PCDH11Y: variants seen among roughly 807,000 people sequenced by gnomAD.
The protein encoded by PCDH11Y is protocadherin-11 Y-linked.
For missense variants in PCDH11Y, 12 were observed against 224.8 expected (o/e 0.05, Z 6.05); for synonymous variants, 9 against 83.6 (o/e 0.11, Z 4.87).
intron 2 of PCDH11Y, among the ~76,000 whole-genome samples, chrY:5,466,700 G>A: frequency 3.1e-5 from 1 of 32,751 alleles, no homozygotes; most frequent in African/African-American, 1.2e-4. Flanking sequence ...AGCTGTAAAC[G>A]CCTTGATAAA....
intron 2 of PCDH11Y, among the ~76,000 whole-genome samples, chrY:5,397,071 G>A (rs2053228200): frequency 3.0e-5 from 1 of 33,297 alleles, no homozygotes; most frequent in South Asian, 6.6e-4. Flanking sequence ...TTGAATTTTT[G>A]TAGGGATTAT....
intron 3 of PCDH11Y, among the ~76,000 whole-genome samples, chrY:5,038,331 G>A: frequency 3.6e-5 from 1 of 27,572 alleles, no homozygotes; most frequent in Non-Finnish European, 8.6e-5. Context: ...TAGGATATTT[G>A]CCCTATACCC....
intron 2 of PCDH11Y, among the ~76,000 whole-genome samples, chrY:5,313,061 G>A (rs2053103510): frequency 3.2e-5 from 1 of 31,394 alleles, no homozygotes; most frequent in Non-Finnish European, 7.8e-5. Context: ...AAATCATTAG[G>A]AACTCATCTA....
intron 4 of PCDH11Y, among the ~76,000 whole-genome samples, chrY:5,635,252 C>T (rs2053517006): frequency 3.0e-5 from 1 of 33,064 alleles, no homozygotes; most frequent in Admixed American, 2.8e-4. Context: ...TTGATAATTC[C>T]ATCAAACTTG....
chrY:5,266,309 G>A, intron 2 of PCDH11Y, among the ~76,000 whole-genome samples: 1 of 32,945 alleles, frequency 3.0e-5, no homozygotes, highest in African/African-American at 1.2e-4. Context: ...GGCTGAGGTG[G>A]GCAGATCACG....
At chrY:5,244,559 G>C in intron 2 of PCDH11Y, among the ~76,000 whole-genome samples, 1 of 33,707 alleles carries the variant, frequency 3.0e-5, no homozygotes, top group Non-Finnish European at 7.4e-5. Flanking sequence ...AGCCAAGGGA[G>C]GCAGTGAGTG....
intron 2 of PCDH11Y, among the ~76,000 whole-genome samples, chrY:5,496,308 T>C (rs2124687408): frequency 3.0e-5 from 1 of 33,711 alleles, no homozygotes; most frequent in African/African-American, 1.2e-4. Flanking sequence ...CTTCAAACAA[T>C]GGCCTTTAGA....
intron 3 of PCDH11Y, among the ~76,000 whole-genome samples, chrY:5,515,873 G>T: frequency 5.9e-5 from 2 of 33,617 alleles, no homozygotes; most frequent in Non-Finnish European, 1.5e-4. Context: ...ATATGCAGAA[G>T]ATTGAAGCTG....
At chrY:5,397,247 T>G in intron 2 of PCDH11Y, among the ~76,000 whole-genome samples, 1 of 33,057 alleles carries the variant, frequency 3.0e-5, no homozygotes, top group Non-Finnish European at 7.4e-5. Context: ...CATTCATTCC[T>G]AAGTAAATAT....
At chrY:5,062,912 C>T in intron 1 of PCDH11Y, among the ~76,000 whole-genome samples, 1 of 33,109 alleles carries the variant, frequency 3.0e-5, no homozygotes, top group Non-Finnish European at 7.5e-5. Context: ...TTATTAGATA[C>T]AGATTTATTG....
At chrY:5,357,261 A>G in intron 2 of PCDH11Y, among the ~76,000 whole-genome samples, 1 of 24,803 alleles carries the variant, frequency 4.0e-5, no homozygotes, top group Non-Finnish European at 9.1e-5. Flanking sequence ...GTATATATAT[A>G]TATATATATA....
At chrY:5,620,309 G>A in intron 4 of PCDH11Y, among the ~76,000 whole-genome samples, 2 of 28,106 alleles carry the variant, frequency 7.1e-5, no homozygotes, top group African/African-American at 2.8e-4. Flanking sequence ...TAGAAGAAAT[G>A]GATAAATTTG....
intron 2 of PCDH11Y, among the ~76,000 whole-genome samples, chrY:5,339,958 G>T: frequency 3.1e-5 from 1 of 32,276 alleles, no homozygotes; most frequent in African/African-American, 1.2e-4. Flanking sequence ...TACTAGTCAG[G>T]GTTTTCTAGA....
intron 3 of PCDH11Y, among the ~76,000 whole-genome samples, chrY:5,555,508 T>C: frequency 3.0e-5 from 1 of 32,855 alleles, no homozygotes; most frequent in Admixed American, 2.8e-4. Context: ...AGTTTCCATG[T>C]GTTGTGAGGG....
At chrY:5,417,437 G>C in intron 2 of PCDH11Y, among the ~76,000 whole-genome samples, 1 of 32,229 alleles carries the variant, frequency 3.1e-5, no homozygotes, top group Admixed American at 2.9e-4. Flanking sequence ...TGAGAGGCAT[G>C]ATAAAATATA....
At chrY:5,099,603 A>G (rs1391995891) in exon 2 of PCDH11Y, 2 of 388,593 alleles carry the variant, frequency 5.1e-6, no homozygotes, top group African/African-American at 1.4e-4. Context: ...CTTTCTATGT[A>G]AAGGCTGAGG....
upstream of PCDH11Y, among the ~76,000 whole-genome samples, chrY:5,052,178 T>A: frequency 3.0e-5 from 1 of 32,864 alleles, no homozygotes; most frequent in Non-Finnish European, 7.5e-5. Context: ...AATGATGAGA[T>A]TTAAGTGGAG....
chrY:5,732,181 C>T (rs2053605138), intron 4 of PCDH11Y, among the ~76,000 whole-genome samples: 1 of 31,021 alleles, frequency 3.2e-5, no homozygotes, highest in South Asian at 7.5e-4. Context: ...AAGTTGTTAG[C>T]TGTTTGCTTT....
intron 2 of PCDH11Y, among the ~76,000 whole-genome samples, chrY:5,302,266 T>C (rs2124663352): frequency 3.3e-5 from 1 of 30,751 alleles, no homozygotes; most frequent in South Asian, 7.4e-4. Flanking sequence ...CAGACATCAA[T>C]TGCAAACAAA....
Sources: gnomAD v4.1 joint callset for allele counts (sites outside exome capture counted in the v4.1 genomes callset) on GRCh38, gnomAD v4.1.1 for gene constraint, MANE v1.5 for transcripts, NCBI Gene and HGNC (gene_info 2026-07-23, HGNC 2026-07-21) for gene names.